The following KIF2A variants were observed in gnomAD, a reference collection of about 807,000 sequenced individuals.
KIF2A encodes the protein kinesin family member 2A.
KIF2A carries 22 observed loss-of-function variants against 100.2 expected under a neutral mutation model. The ratio of observed to expected loss-of-function variants is 0.22; its 90% CI spans 0.16 to 0.31. KIF2A has a LOEUF of 0.31. Among genes scored for constraint, KIF2A ranks in the 10% least tolerant of loss-of-function variants. The probability of loss-of-function intolerance (pLI) is 1.00; values close to 1 mark genes in which losing one functional copy is unlikely to be tolerated. For missense variants in KIF2A, 495 were observed against 898.7 expected, an observed-to-expected ratio of 0.55 and a Z score of 5.74; for synonymous variants, 268 against 285.9, an observed-to-expected ratio of 0.94 and a Z score of 0.63.
chr5:62,308,625 A>G, intron 1 of KIF2A: 4 of 695,556 alleles, frequency 5.8e-6, no homozygotes, highest in Non-Finnish European at 1.1e-5. Flanking sequence ...TGTTTACCAC[A>G]ACATAGATGG....
chr5:62,323,254 CA>C (rs147491794), intron 1 of KIF2A, among the ~76,000 whole-genome samples: 128 of 117,428 alleles, frequency 1.1e-3, no homozygotes, highest in Middle Eastern at 4.8e-3. Flanking sequence ...AACTCCATCT[CA>C]AAAAAAAAAA....
chr5:62,349,971 T>C, intron 3 of KIF2A, 95 bp from the exon 4 acceptor site: 1 of 721,118 alleles, frequency 1.4e-6, no homozygotes, highest in Non-Finnish European at 2.3e-6. Flanking sequence ...TTCTTACATG[T>C]CTGCCTACTT....
intron 1 of KIF2A, among the ~76,000 whole-genome samples, chr5:62,326,192 A>T (rs1007697373): frequency 6.6e-6 from 1 of 152,214 alleles, no homozygotes; most frequent in Non-Finnish European, 1.5e-5. Context: ...TTTAGGTACT[A>T]TCCCATGTAT....
chr5:62,319,492 G>A (rs1745996466), intron 1 of KIF2A, among the ~76,000 whole-genome samples: 1 of 152,180 alleles, frequency 6.6e-6, no homozygotes, highest in African/African-American at 2.4e-5. Context: ...CCTAGCCTAA[G>A]ATGGGTCCCC....
At chr5:62,373,198 T>C (rs1388933992) in intron 17 of KIF2A, among the ~76,000 whole-genome samples, 1 of 152,062 alleles carries the variant, frequency 6.6e-6, no homozygotes, top group Non-Finnish European at 1.5e-5. Flanking sequence ...AAAATTATTT[T>C]ACATGTAGCT....
intron 14 of KIF2A, among the ~76,000 whole-genome samples, chr5:62,364,255 C>A (rs1580080224): frequency 6.6e-6 from 1 of 151,960 alleles, no homozygotes; most frequent in Non-Finnish European, 1.5e-5. Context: ...TCAAGCCATT[C>A]TCCTGCCTCA....
At chr5:62,344,822 A>G (rs1747475960) in intron 1 of KIF2A, among the ~76,000 whole-genome samples, 1 of 152,212 alleles carries the variant, frequency 6.6e-6, no homozygotes, top group African/African-American at 2.4e-5. Context: ...ACTAGTATGT[A>G]TTTTAGTTTT....
At position 62,388,959 on chromosome 5, in the gene KIF2A, T is replaced by TA. The variant is rs775229628; in HGVS notation, c.*3391dup. The TA allele has an allele frequency of 4.6e-6, 7 of 1,537,854 alleles. No individual in the cohort carries two copies. Among genetic ancestry groups the TA allele is most frequent in the Non-Finnish European group, 6.2e-6 (7 of 1,120,744 alleles). ...GCATTATCTTCTCAAATACAAAAAATACAAAATTCATTTCTTTTCTTGACC... is the reference window on the plus strand; with the variant it reads ...GCATTATCTTCTCAAATACAAAAAATAACAAAATTCATTTCTTTTCTTGACC... On this transcript the variant is annotated 3_prime_UTR_variant, in exon 21 of 21. Transcript: ENST00000407818.
chr5:62,366,083 C>T (rs1312703897), intron 15 of KIF2A, among the ~76,000 whole-genome samples: 8 of 151,856 alleles, frequency 5.3e-5, no homozygotes, highest in African/African-American at 1.9e-4. Flanking sequence ...TGTGTGACAG[C>T]AGCAAAGCTT....
intron 16 of KIF2A, among the ~76,000 whole-genome samples, chr5:62,367,290 A>C (rs1741119021): frequency 6.6e-6 from 1 of 151,700 alleles, no homozygotes; most frequent in Non-Finnish European, 1.5e-5. Flanking sequence ...TTTTTGAGAC[A>C]GAGTCTTGTT....
Position 62,306,218 on chromosome 5 carries a change from G to A in KIF2A, c.-255G>A, listed in dbSNP as rs545406148. 7.4e-5 allele frequency: 33 copies of A among 445,858 alleles called. 1 individual carries two copies. In the South Asian group the frequency reaches 1.0e-3, roughly 14 times the overall value. 27.6% of individuals were successfully genotyped at this position (445,858 alleles called of 1,614,324 possible). A position where few individuals can be genotyped will look rare whatever the true frequency, so the allele number is the denominator to read the frequency against. On this transcript the variant is annotated 5_prime_UTR_variant, in exon 1 of 21. Transcript: ENST00000407818. The stretch of plus-strand genomic sequence containing the variant: ...TGCGGGCCCTCCCACTCTACCCCGC[G>A]CCGTCTCACGGCCCCGGCCCTAGCT...
chr5:62,352,784 C>A, intron 5 of KIF2A, 74 bp downstream of exon 5: 1 of 1,218,900 alleles, frequency 8.2e-7, no homozygotes, highest in Non-Finnish European at 1.1e-6. Context: ...CCTTTTAAGT[C>A]CTCAAAGAGT....
intron 1 of KIF2A, among the ~76,000 whole-genome samples, chr5:62,317,086 G>A (rs995600020): frequency 7.0e-6 from 1 of 143,558 alleles, no homozygotes; most frequent in African/African-American, 2.6e-5. Context: ...TTTCACTCTT[G>A]TTGCCCAGCT....
At chr5:62,380,128 A>G (rs2112004354) in intron 19 of KIF2A, among the ~76,000 whole-genome samples, 1 of 152,256 alleles carries the variant, frequency 6.6e-6, no homozygotes, top group East Asian at 1.9e-4. Context: ...CCTGACCTCA[A>G]AGTGATCCAC....
In KIF2A at chr5:62,387,047, A is replaced by T. The variant is rs1742063217; in HGVS notation, c.*1478A>T. Among the ~76,000 whole-genome samples, 2 of 152,208 alleles carry T rather than the reference A, an allele frequency of 1.3e-5. 1 individual carries two copies. The highest frequency in any genetic ancestry group is 4.1e-4 in the South Asian group (2 of 4,832). ...ATGAATAGAGGGTCACATGAGCCAG[A>T]TTCTTTACTGTTCATAAAACCCAGA... On this transcript the variant is annotated 3_prime_UTR_variant, in exon 21 of 21. Coordinates refer to ENST00000407818, the MANE Select transcript of KIF2A (RefSeq NM_001098511.3).
At position 62,387,542 on chromosome 5, in the gene KIF2A, A is replaced by G. The variant is rs1312905661; in HGVS notation, c.*1973A>G. The stretch of plus-strand genomic sequence containing the variant: ...CAGGTATTTTAAAAATTAGTACCAG[A>G]AAAGATACTGGAGGTAATATAATAC... On this transcript the variant is annotated 3_prime_UTR_variant, in exon 21 of 21. Transcript: ENST00000407818. 1.3e-5 allele frequency: 2 copies of G among 152,162 alleles called. No homozygotes were observed. Among genetic ancestry groups the G allele is most frequent in the Non-Finnish European group, 2.9e-5 (2 of 68,000 alleles). The allele number at this position is 152,162 out of a possible 1,614,324, so 9.4% of individuals were successfully genotyped here. A position where few individuals can be genotyped will look rare whatever the true frequency, so the allele number is the denominator to read the frequency against.
intron 1 of KIF2A, among the ~76,000 whole-genome samples, chr5:62,327,553 A>G (rs1312697558): frequency 6.6e-6 from 1 of 152,210 alleles, no homozygotes; most frequent in Non-Finnish European, 1.5e-5. Flanking sequence ...TCATATCTCC[A>G]CTGGACAGAT....
rs114231912 is a variant in KIF2A, at chr5:62,329,331, C to T, written c.65-17799C>T. 5.7e-4 allele frequency among the ~76,000 whole-genome samples: 87 copies of T among 152,338 alleles called. 1 individual carries two copies. Among genetic ancestry groups the T allele is most frequent in the South Asian group, 2.1e-3 (10 of 4,826 alleles). ...CAGCTGAGACATTATTTATGTCCTT[C>T]TCTAATGGCTTCTTGTTCCACTAAA... On this transcript the variant is annotated intron_variant, in intron 1 of 20. Transcript: ENST00000407818.
intron 5 of KIF2A, 179 bp from the exon 6 acceptor site, chr5:62,353,096 T>G (rs1429452652): frequency 4.1e-5 from 20 of 489,922 alleles, no homozygotes; most frequent in Non-Finnish European, 6.2e-5. Context: ...CATCTGTACA[T>G]TGTCCTATTT....
Sources: gnomAD v4.1 joint callset for allele counts (sites outside exome capture counted in the v4.1 genomes callset) on GRCh38, gnomAD v4.1.1 for gene constraint, MANE v1.5 for transcripts, NCBI Gene and HGNC (gene_info 2026-07-23, HGNC 2026-07-21) for gene names.